Variants in SYT1 observed in about 807,000 individuals in gnomAD.
The protein encoded by SYT1 is synaptotagmin-1.
Under a neutral mutation model 44.8 loss-of-function variants are expected in SYT1, and 8 were observed. The observed-to-expected ratio is 0.18, with a 90% confidence interval of 0.10 to 0.32. The LOEUF is 0.32. Ranked by LOEUF, SYT1 falls within the 10% of genes least tolerant of loss-of-function variation. The pLI is 1.00. For missense variants in SYT1, 286 were observed against 509.3 expected (o/e 0.56, Z 4.22); for synonymous variants, 154 against 188.8 (o/e 0.82, Z 1.51).
chr12:79,019,332 A>G (rs1872028716), intron 2 of SYT1, among the ~76,000 whole-genome samples: 1 of 152,034 alleles, frequency 6.6e-6, no homozygotes, highest in Admixed American at 6.6e-5. Context: ...ACTCTCGCAA[A>G]AATTTGAAGC....
intron 9 of SYT1, chr12:79,392,915 A>G (rs978117574): frequency 3.3e-5 from 5 of 150,016 alleles, no homozygotes; most frequent in Admixed American, 6.7e-5. Context: ...TCAACTCCTC[A>G]TTTACATTAG....
chr12:79,098,770 A>G (rs1001658129), intron 3 of SYT1, among the ~76,000 whole-genome samples: 5 of 152,084 alleles, frequency 3.3e-5, no homozygotes, highest in African/African-American at 1.2e-4. Flanking sequence ...CCTTTGAGGA[A>G]CTGAATCTCT....
At chr12:79,275,095 A>T (rs2138785658) in intron 4 of SYT1, among the ~76,000 whole-genome samples, 1 of 152,228 alleles carries the variant, frequency 6.6e-6, no homozygotes, top group Non-Finnish European at 1.5e-5. Flanking sequence ...CTAGGGGAAA[A>T]GGGAGTGCAC....
chr12:79,185,417 AC>A (rs1334349393), intron 3 of SYT1, among the ~76,000 whole-genome samples: 3 of 151,952 alleles, frequency 2.0e-5, no homozygotes, highest in African/African-American at 7.2e-5. Flanking sequence ...GTGAGATTTT[AC>A]AGAACAACTA....
At chr12:79,325,746 C>A (rs76652018) in intron 8 of SYT1, among the ~76,000 whole-genome samples, 2,283 of 152,250 alleles carry the variant, frequency 0.015, 39 homozygotes, top group East Asian at 0.099. Context: ...ATGAGCCATG[C>A]AAACTTGAAG....
At chr12:79,117,131 T>G (rs1879317575) in intron 3 of SYT1, among the ~76,000 whole-genome samples, 1 of 152,184 alleles carries the variant, frequency 6.6e-6, no homozygotes. Context: ...AAAGACAGAT[T>G]AGTGAGAGAT....
chr12:79,147,357 A>G (rs765921939), intron 3 of SYT1, among the ~76,000 whole-genome samples: 4 of 152,200 alleles, frequency 2.6e-5, no homozygotes, highest in Non-Finnish European at 4.4e-5. Context: ...ATATATTCTT[A>G]GTGTTCCCCT....
chr12:79,333,928 A>T (rs986525562), intron 8 of SYT1, among the ~76,000 whole-genome samples: 1 of 151,968 alleles, frequency 6.6e-6, no homozygotes, highest in African/African-American at 2.4e-5. Context: ...TCTTGTTTAC[A>T]TTTTTTCCTG....
intron 3 of SYT1, among the ~76,000 whole-genome samples, chr12:79,066,523 A>T (rs916997633): frequency 6.6e-6 from 1 of 152,050 alleles, no homozygotes; most frequent in African/African-American, 2.4e-5. Flanking sequence ...CATGGAGGCC[A>T]TATCATCATC....
intron 9 of SYT1, among the ~76,000 whole-genome samples, chr12:79,377,846 A>C (rs1884063519): frequency 6.6e-6 from 1 of 152,198 alleles, no homozygotes; most frequent in East Asian, 1.9e-4. Flanking sequence ...GGTTAGGGAC[A>C]TATTAAGCCT....
intron 9 of SYT1, among the ~76,000 whole-genome samples, chr12:79,432,416 G>A (rs144979940): frequency 0.021 from 3,054 of 148,198 alleles, 43 homozygotes; most frequent in Non-Finnish European, 0.033. Context: ...TCCTGTGTCC[G>A]TGTGTTCTCA....
chr12:79,016,208 C>A (rs922981244), intron 2 of SYT1, among the ~76,000 whole-genome samples: 2 of 152,162 alleles, frequency 1.3e-5, no homozygotes, highest in Admixed American at 6.6e-5. Flanking sequence ...ACTATCACAG[C>A]ATCTGTGTGA....
intron 4 of SYT1, among the ~76,000 whole-genome samples, chr12:79,276,819 C>A (rs1390571473): frequency 6.6e-6 from 1 of 151,560 alleles, no homozygotes; most frequent in Non-Finnish European, 1.5e-5. Flanking sequence ...TTAAGTTAAC[C>A]CAATCAGACA....
At chr12:79,329,609 G>C (rs547395710) in intron 8 of SYT1, among the ~76,000 whole-genome samples, 23 of 152,164 alleles carry the variant, frequency 1.5e-4, no homozygotes, top group Admixed American at 4.6e-4. Context: ...CTCACAACCA[G>C]GTGAGATCAG....
chr12:79,271,205 G>T (rs895423878), intron 4 of SYT1, among the ~76,000 whole-genome samples: 1 of 152,154 alleles, frequency 6.6e-6, no homozygotes, highest in Non-Finnish European at 1.5e-5. Flanking sequence ...TAAAGAGAAA[G>T]ATATTTGGAG....
chr12:79,378,606 C>G (rs1884094542), intron 9 of SYT1, among the ~76,000 whole-genome samples: 1 of 152,182 alleles, frequency 6.6e-6, no homozygotes, highest in African/African-American at 2.4e-5. Flanking sequence ...ATTCAAGAAC[C>G]ACTTGTGAAG....
chr12:79,097,660 C>G (rs1241344771), intron 3 of SYT1, among the ~76,000 whole-genome samples: 4 of 152,010 alleles, frequency 2.6e-5, no homozygotes, highest in Admixed American at 2.6e-4. Context: ...AGGCCTTACC[C>G]AGCTTTATTC....
intron 3 of SYT1, among the ~76,000 whole-genome samples, chr12:79,090,466 C>G (rs1411191877): frequency 6.6e-6 from 1 of 151,934 alleles, no homozygotes; most frequent in East Asian, 1.9e-4. Flanking sequence ...TTTTGCCCAT[C>G]CAGCCAATAC....
At chr12:78,919,121 A>G (rs1876836423) in intron 1 of SYT1, among the ~76,000 whole-genome samples, 1 of 151,998 alleles carries the variant, frequency 6.6e-6, no homozygotes, top group South Asian at 2.1e-4. Flanking sequence ...TTGTGCTCCT[A>G]TGTGTTATGC....
Sources: gnomAD v4.1 joint callset for allele counts (sites outside exome capture counted in the v4.1 genomes callset) on GRCh38, gnomAD v4.1.1 for gene constraint, MANE v1.5 for transcripts, NCBI Gene and HGNC (gene_info 2026-07-23, HGNC 2026-07-21) for gene names.